DPYD: variants seen among roughly 807,000 people sequenced by gnomAD.
DPYD encodes dihydropyrimidine dehydrogenase, also known as dihydropyrimidine dehydrogenase [NADP(+)].
In DPYD, 109 loss-of-function variants were observed where a neutral mutation model predicts 116.2. The ratio of observed to expected loss-of-function variants is 0.94; its 90% confidence interval spans 0.80 to 1.10. The LOEUF is 1.10. Ranked by LOEUF, DPYD falls within the 50% of genes least tolerant of loss-of-function variation. The pLI is 0.00. For synonymous variants in DPYD, 440 were observed against 432.0 expected (o/e 1.02, Z -0.23); for missense variants, 1,302 against 1,254.5 (o/e 1.04, Z -0.57).
intron 19 of DPYD, among the ~76,000 whole-genome samples, chr1:97,216,452 T>A (rs1660402280): frequency 6.6e-6 from 1 of 152,174 alleles, no homozygotes; most frequent in Admixed American, 6.5e-5. Flanking sequence ...AGAGCAAACT[T>A]TTAAAATATG....
Position 97,243,179 on chromosome 1 carries a change from G to T in DPYD, c.2300-8185C>A, listed in dbSNP as rs148645771. ...GTTTTTCTCTTCCAATTCAAAATCT[G>T]GGGATACTATAACTTATTCTTGGTA... On this transcript the variant is annotated intron_variant, in intron 18 of 22. Transcript: ENST00000370192. Among the ~76,000 whole-genome samples the T allele has an allele frequency of 7.9e-5, 12 of 151,880 alleles. No homozygotes were observed. The East Asian group carries it at 2.3e-3, about 29-fold the overall frequency.
intron 8 of DPYD, among the ~76,000 whole-genome samples, chr1:97,671,150 T>G (rs1299353577): frequency 1.3e-5 from 2 of 152,098 alleles, no homozygotes; most frequent in Admixed American, 1.3e-4. Flanking sequence ...TCTCCTTTTT[T>G]ACAATAATAC....
At chr1:97,641,497 G>A (rs1657902306) in intron 8 of DPYD, among the ~76,000 whole-genome samples, 1 of 151,948 alleles carries the variant, frequency 6.6e-6, no homozygotes. Context: ...ATGACAAAAA[G>A]CCACATGATT....
At chr1:97,526,004 TGTGTG>T (rs1386110139) in intron 12 of DPYD, among the ~76,000 whole-genome samples, 1 of 151,900 alleles carries the variant, frequency 6.6e-6, no homozygotes, top group East Asian at 1.9e-4. Context: ...TGTGTGTGTG[TGTGTG>T]TGTGTGTTTC....
At chr1:97,751,460 G>GTATATATATATATATATATA (rs1553233231) in intron 3 of DPYD, among the ~76,000 whole-genome samples, 3 of 21,286 alleles carry the variant, frequency 1.4e-4, no homozygotes, top group African/African-American at 1.7e-4. Context: ...GTGTGTGTGT[G>GTATATATATATATATATATA]TATATATATA....
chr1:97,576,293 T>C (rs1434357041), intron 10 of DPYD, among the ~76,000 whole-genome samples: 1 of 152,204 alleles, frequency 6.6e-6, no homozygotes, highest in African/African-American at 2.4e-5. Flanking sequence ...ATGTTTATGG[T>C]TTGAATAAAT....
chr1:97,087,427 G>A (rs1421343135), intron 21 of DPYD, among the ~76,000 whole-genome samples: 1 of 152,228 alleles, frequency 6.6e-6, no homozygotes, highest in Non-Finnish European at 1.5e-5. Flanking sequence ...AGAGCAGAGG[G>A]CAGAGACAAA....
Position 97,158,472 on chromosome 1 carries a change from GACACACACACACACACACAC to G in DPYD, c.2622+34577_2622+34596del, listed in dbSNP as rs58771302. Among the ~76,000 whole-genome samples the G allele has an allele frequency of 5.2e-4, 58 of 112,084 alleles. No individual in the cohort carries two copies. In the East Asian group the frequency reaches 9.4e-3, roughly 18 times the overall value. The allele number at this position is 112,084 out of a possible 152,430, so 73.5% of individuals were successfully genotyped here. The stretch of plus-strand genomic sequence containing the variant: ...GGCTTCTCCTGCAGATAACTCACCA[GACACACACACACACACACAC>G]ACACACACACACACACACACACACA... On this transcript the variant is annotated intron_variant, in intron 20 of 22. Coordinates refer to ENST00000370192, the MANE Select transcript of DPYD (RefSeq NM_000110.4).
intron 19 of DPYD, among the ~76,000 whole-genome samples, chr1:97,198,472 A>T (rs1288662784): frequency 6.6e-6 from 1 of 152,200 alleles, no homozygotes; most frequent in Non-Finnish European, 1.5e-5. Flanking sequence ...TGCACCATTG[A>T]GAACAGCTTT....
intron 20 of DPYD, among the ~76,000 whole-genome samples, chr1:97,156,427 A>G (rs1019834846): frequency 1.3e-5 from 2 of 152,148 alleles, no homozygotes; most frequent in African/African-American, 4.8e-5. Context: ...CAAGAAAAAA[A>G]CAAACAACCC....
At chr1:97,876,708 G>A (rs1208581524) in intron 2 of DPYD, among the ~76,000 whole-genome samples, 1 of 151,936 alleles carries the variant, frequency 6.6e-6, no homozygotes, top group Admixed American at 6.6e-5. Context: ...AGAAGCCACT[G>A]GGTTTTCATT....
intron 11 of DPYD, among the ~76,000 whole-genome samples, chr1:97,567,884 T>A (rs967025427): frequency 6.8e-6 from 1 of 146,746 alleles, no homozygotes; most frequent in African/African-American, 2.5e-5. Context: ...CTTTTTTTTT[T>A]ATTATACTTT....
chr1:97,553,969 T>C (rs1400180085), intron 11 of DPYD, among the ~76,000 whole-genome samples: 1 of 152,058 alleles, frequency 6.6e-6, no homozygotes, highest in African/African-American at 2.4e-5. Flanking sequence ...TCTGCTTTAA[T>C]TACTACTATG....
intron 5 of DPYD, among the ~76,000 whole-genome samples, chr1:97,708,627 G>A (rs933551559): frequency 3.9e-5 from 6 of 151,986 alleles, no homozygotes; most frequent in Non-Finnish European, 7.4e-5. Context: ...TTAATCTTTT[G>A]CCTCTCTATA....
chr1:97,518,243 AT>A (rs1473341328), intron 12 of DPYD, among the ~76,000 whole-genome samples: 1 of 152,060 alleles, frequency 6.6e-6, no homozygotes, highest in South Asian at 2.1e-4. Flanking sequence ...CTTCTTATAT[AT>A]TTTTTCTTTT....
At chr1:97,367,091 T>C (rs1343775886) in intron 16 of DPYD, among the ~76,000 whole-genome samples, 1 of 152,130 alleles carries the variant, frequency 6.6e-6, no homozygotes, top group Non-Finnish European at 1.5e-5. Context: ...AGCCAGCTGC[T>C]GAAGGAAGAC....
At chr1:97,137,247 T>C (rs1435035485) in intron 20 of DPYD, among the ~76,000 whole-genome samples, 2 of 152,216 alleles carry the variant, frequency 1.3e-5, no homozygotes, top group Admixed American at 6.5e-5. Flanking sequence ...GCTAACACAG[T>C]GCCACACAAC....
intron 16 of DPYD, among the ~76,000 whole-genome samples, chr1:97,338,072 T>G (rs1217433721): frequency 6.6e-6 from 1 of 152,206 alleles, no homozygotes; most frequent in Non-Finnish European, 1.5e-5. Flanking sequence ...TTATACAGTC[T>G]ATTTGTTACA....
chr1:97,495,642 C>T (rs909329780), intron 13 of DPYD, among the ~76,000 whole-genome samples: 1 of 151,946 alleles, frequency 6.6e-6, no homozygotes, highest in Non-Finnish European at 1.5e-5. Context: ...GAGGATGACA[C>T]ACATCATTAT....
Sources: allele counts gnomAD v4.1 joint callset (sites outside exome capture counted in the v4.1 genomes callset), GRCh38; gene constraint gnomAD v4.1.1; transcripts MANE v1.5; gene names NCBI Gene and HGNC (gene_info 2026-07-23, HGNC 2026-07-21).